WDR27: variants seen among roughly 807,000 people sequenced by gnomAD.
WDR27 encodes WD repeat-containing protein 27.
In WDR27, 100 loss-of-function variants were observed where a neutral mutation model predicts 114.4. That is an observed-to-expected ratio of 0.87 (90% CI 0.74 to 1.03). WDR27 has a LOEUF of 1.03. WDR27 is among the 50% of genes least tolerant of loss of function. The pLI, the probability that WDR27 is intolerant of heterozygous loss-of-function variation, is 0.00. For missense variants in WDR27, 1,129 were observed against 1,092.9 expected, an observed-to-expected ratio of 1.03 and a Z score of -0.47; for synonymous variants, 449 against 423.1, an observed-to-expected ratio of 1.06 and a Z score of -0.75.
At chr6:169,497,346 A>G (rs1383713693) in intron 25 of WDR27, among the ~76,000 whole-genome samples, 3 of 152,152 alleles carry the variant, frequency 2.0e-5, no homozygotes, top group Non-Finnish European at 2.9e-5. Flanking sequence ...AAAGCTTTCC[A>G]GCATTGAATT....
chr6:169,678,303 G>A (rs536550973), intron 2 of WDR27, among the ~76,000 whole-genome samples: 1 of 152,370 alleles, frequency 6.6e-6, no homozygotes, highest in African/African-American at 2.4e-5. Flanking sequence ...TGCTCTGGAT[G>A]TGGGACACAG....
chr6:169,598,752 C>T (rs2128165421), intron 23 of WDR27, among the ~76,000 whole-genome samples: 1 of 152,310 alleles, frequency 6.6e-6, no homozygotes, highest in South Asian at 2.1e-4. Flanking sequence ...AGGGGTTCCT[C>T]CCTTGGACCC....
At chr6:169,651,611 C>T (rs1052489440) in intron 14 of WDR27, among the ~76,000 whole-genome samples, 2 of 152,156 alleles carry the variant, frequency 1.3e-5, no homozygotes, top group Non-Finnish European at 2.9e-5. Context: ...CGTTTGTTTA[C>T]AGCATCGTCA....
intron 25 of WDR27, among the ~76,000 whole-genome samples, chr6:169,504,068 T>A (rs1179073360): frequency 6.6e-6 from 1 of 151,844 alleles, no homozygotes; most frequent in Non-Finnish European, 1.5e-5. Context: ...CATTAATGAG[T>A]GGATAGATAA....
intron 23 of WDR27, among the ~76,000 whole-genome samples, chr6:169,597,820 C>A (rs1263455407): frequency 1.3e-5 from 2 of 150,936 alleles, no homozygotes; most frequent in Admixed American, 6.6e-5. Flanking sequence ...TACATCCCTG[C>A]AATATCAAAA....
At chr6:169,613,250 T>A (rs369413628) in intron 22 of WDR27, among the ~76,000 whole-genome samples, 6 of 152,242 alleles carry the variant, frequency 3.9e-5, no homozygotes, top group Middle Eastern at 3.4e-3. Context: ...GGGAACACAC[T>A]TGGGAGAGAG....
At chr6:169,650,808 C>T (rs916752206) in intron 14 of WDR27, among the ~76,000 whole-genome samples, 2 of 151,998 alleles carry the variant, frequency 1.3e-5, no homozygotes, top group African/African-American at 4.8e-5. Context: ...ACCCCACCAT[C>T]CATGCACACA....
At chr6:169,549,253 A>G (rs887678325) in intron 25 of WDR27, among the ~76,000 whole-genome samples, 1 of 152,248 alleles carries the variant, frequency 6.6e-6, no homozygotes, top group African/African-American at 2.4e-5. Context: ...GGACATACCG[A>G]TGGCAAATAA....
rs35035417 is a variant in WDR27, at chr6:169,488,946, CTTT to C, written c.2646-31315_2646-31313del. ...CGTCAAATGGCACATTTGATGCCCCCTTTTTTTTTTTTTTTTGCATTTCTCTTA... is the reference window on the plus strand; with the variant it reads ...CGTCAAATGGCACATTTGATGCCCCCTTTTTTTTTTTTTGCATTTCTCTTA... On this transcript the variant is annotated intron_variant, in intron 25 of 25. Transcript: ENST00000448612. 1.8e-4 allele frequency among the ~76,000 whole-genome samples: 24 copies of C among 135,542 alleles called. No individual in the cohort carries two copies. The South Asian group carries it at 2.9e-3, about 16-fold the overall frequency. 88.9% of individuals were successfully genotyped at this position (135,542 alleles called of 152,430 possible).
intron 21 of WDR27, among the ~76,000 whole-genome samples, chr6:169,620,916 C>T (rs1812973974): frequency 6.6e-6 from 1 of 152,194 alleles, no homozygotes; most frequent in Admixed American, 6.5e-5. Flanking sequence ...AGACCTGGCA[C>T]CCTTCCCTGT....
At chr6:169,440,940 A>C in the WDR27 span, among the ~76,000 whole-genome samples, 1 of 151,352 alleles carries the variant, frequency 6.6e-6, no homozygotes, top group South Asian at 2.1e-4. Context: ...TTGGTTAAAA[A>C]CCTTTGTACA....
chr6:169,637,932 T>C (rs1818073034), intron 18 of WDR27, among the ~76,000 whole-genome samples: 1 of 152,254 alleles, frequency 6.6e-6, no homozygotes, highest in Non-Finnish European at 1.5e-5. Flanking sequence ...TGTGAATATG[T>C]GGCAAGTATG....
In WDR27 at chr6:169,592,539, ATACTAC is replaced by A. The variant is rs544032612; in HGVS notation, c.2425-9611_2425-9606del. 7.4e-4 allele frequency among the ~76,000 whole-genome samples: 112 copies of A among 152,288 alleles called. 1 individual carries two copies. Among genetic ancestry groups the A allele is most frequent in the Non-Finnish European group, 1.2e-3 (84 of 68,020 alleles). ...CATTGAATTCCATATATTAGTTTAA[ATACTAC>A]TACTAATCTTTCACTTAATTATTTT... On this transcript the variant is annotated intron_variant, in intron 23 of 25. Transcript: ENST00000448612.
At chr6:169,443,332 T>C in the WDR27 span, among the ~76,000 whole-genome samples, 1 of 152,228 alleles carries the variant, frequency 6.6e-6, no homozygotes, top group Non-Finnish European at 1.5e-5. Flanking sequence ...ACACAAACTT[T>C]GATAGCCATG....
At chr6:169,633,181 T>C (rs1033169834) in intron 20 of WDR27, 113 bp from the exon 21 acceptor site, 1 of 1,149,848 alleles carries the variant, frequency 8.7e-7, no homozygotes, top group East Asian at 2.8e-5. Flanking sequence ...CATGAATGGA[T>C]GACTAGTTAA....
intron 25 of WDR27, among the ~76,000 whole-genome samples, chr6:169,488,020 G>A (rs1466356506): frequency 6.6e-6 from 1 of 152,216 alleles, no homozygotes; most frequent in African/African-American, 2.4e-5. Flanking sequence ...GGGGTCATGA[G>A]AAAATCACAG....
At chr6:169,536,089 C>A (rs1362437715) in intron 25 of WDR27, among the ~76,000 whole-genome samples, 1 of 152,134 alleles carries the variant, frequency 6.6e-6, no homozygotes, top group Admixed American at 6.5e-5. Flanking sequence ...TTAAATTATC[C>A]TCTGTGCCAA....
chr6:169,506,230 G>A (rs538111561), intron 25 of WDR27, among the ~76,000 whole-genome samples: 2 of 152,186 alleles, frequency 1.3e-5, no homozygotes, highest in African/African-American at 4.8e-5. Context: ...GGAGAAAATT[G>A]GCATAAACAT....
In WDR27 at chr6:169,599,549, G is replaced by C. The variant is rs1157479615; in HGVS notation, c.2424+2670C>G. ...CTAGATTTTCTAGTTTATTTGCGTA[G>C]AGGTGTTTATAGTATTCTCTGATGG... On this transcript the variant is annotated intron_variant, in intron 23 of 25. Transcript: ENST00000448612. 3.3e-5 allele frequency among the ~76,000 whole-genome samples: 5 copies of C among 152,280 alleles called. No homozygotes were observed. The East Asian group carries it at 9.6e-4, about 29-fold the overall frequency.
Sources: allele counts gnomAD v4.1 joint callset (sites outside exome capture counted in the v4.1 genomes callset), GRCh38; gene constraint gnomAD v4.1.1; transcripts MANE v1.5; gene names NCBI Gene and HGNC (gene_info 2026-07-23, HGNC 2026-07-21).